Variants in ACSM3 observed in about 807,000 individuals in gnomAD.
ACSM3 encodes acyl-coenzyme A synthetase ACSM3, mitochondrial.
Under a neutral mutation model 74.1 loss-of-function variants are expected in ACSM3, and 61 were observed. That is an observed-to-expected ratio of 0.82 (90% CI 0.67 to 1.02). The LOEUF (loss-of-function observed/expected upper bound fraction) is 1.02. ACSM3 is among the 50% of genes least tolerant of loss of function. The pLI is 0.00. For synonymous variants in ACSM3, 213 were observed against 241.5 expected, an observed-to-expected ratio of 0.88 and a Z score of 1.09; for missense variants, 660 against 697.0, an observed-to-expected ratio of 0.95 and a Z score of 0.60.
chr16:20,682,176 A>AC, intron 1 of ACSM3: 1 of 1,399,944 alleles, frequency 7.1e-7, no homozygotes. Context: ...ATCCTCCTCA[A>AC]CCCCACTGGT....
chr16:20,680,950 A>T (rs980599739), intron 1 of ACSM3: 2 of 152,232 alleles, frequency 1.3e-5, no homozygotes, highest in African/African-American at 4.8e-5. Context: ...CTCTTATGGT[A>T]TCCAGTTGAT....
chr16:20,776,367 T>C (rs531337875), intron 3 of ACSM3, among the ~76,000 whole-genome samples: 1 of 152,264 alleles, frequency 6.6e-6, no homozygotes, highest in South Asian at 2.1e-4. Context: ...GCCTGGTCCT[T>C]CCCAAAGTGA....
chr16:20,698,066 C>T (rs1216292628), intron 1 of ACSM3, among the ~76,000 whole-genome samples: 5 of 151,432 alleles, frequency 3.3e-5, no homozygotes, highest in Admixed American at 3.3e-4. Flanking sequence ...TGGTGGTGGG[C>T]GCCTGTAGTC....
At chr16:20,785,612 TAAG>T (rs2080454475) in intron 8 of ACSM3, among the ~76,000 whole-genome samples, 2 of 151,466 alleles carry the variant, frequency 1.3e-5, no homozygotes, top group South Asian at 2.1e-4. Context: ...AAAAATGAAA[TAAG>T]AAAAAAGAAC....
In ACSM3 at chr16:20,758,865, T is replaced by C. The variant is rs573520550; in HGVS notation, c.-52+3249T>C. ...CGTTGGTTTCAAAGAACATCTTTAT[T>C]TCTGCCTTCATTTCATTATGTACCC... is the stretch of plus-strand genomic sequence containing the variant. On this transcript the variant is annotated intron_variant, in intron 3 of 3. Transcript: ENST00000561584. Among the ~76,000 whole-genome samples, 6 of 152,254 alleles carry C rather than the reference T, an allele frequency of 3.9e-5. No individual in the cohort carries two copies. In the South Asian group the frequency reaches 1.2e-3, roughly 32 times the overall value.
At chr16:20,685,844 A>AAAAAAAAAAAAAT (rs2079543889) in intron 1 of ACSM3, among the ~76,000 whole-genome samples, 1 of 123,006 alleles carries the variant, frequency 8.1e-6, no homozygotes, top group Non-Finnish European at 1.9e-5. Context: ...AACAAAAAAA[A>AAAAAAAAAAAAAT]AACAAAAAAC....
chr16:20,789,698 T>G, intron 9 of ACSM3: 1 of 617,430 alleles, frequency 1.6e-6, no homozygotes, highest in African/African-American at 1.9e-5. Context: ...TTTTTTTTTT[T>G]TTTTTGAGAT....
At position 20,790,922 on chromosome 16, in the gene ACSM3, A is replaced by T. The variant is rs200587106; in HGVS notation, c.1326+234A>T. ...ACTGTTCCAGGTCCACGAAGGCAAG[A>T]GGAAGGGACCCTAGAAAGAGGACAG... On this transcript the variant is annotated intron_variant, in intron 10 of 13. Transcript: ENST00000289416. The surrounding 1 kb of genome is among the most constrained non-coding windows in gnomAD (Gnocchi z 4.0). 2.7e-5 allele frequency: 44 copies of T among 1,613,894 alleles called. No homozygotes were observed. Among genetic ancestry groups the T allele is most frequent in the Non-Finnish European group, 3.3e-5 (39 of 1,179,966 alleles).
chr16:20,680,999 A>G (rs2079434222), intron 1 of ACSM3: 1 of 152,238 alleles, frequency 6.6e-6, no homozygotes, highest in Admixed American at 6.5e-5. Flanking sequence ...CATAATCACA[A>G]AAATAGACAC....
intron 1 of ACSM3, among the ~76,000 whole-genome samples, chr16:20,686,012 G>C (rs1028009437): frequency 1.3e-5 from 2 of 151,832 alleles, no homozygotes; most frequent in Non-Finnish European, 2.9e-5. Flanking sequence ...CATATGGACT[G>C]TGCATTCTTC....
Position 20,792,145 on chromosome 16 carries a change from A to C in ACSM3, c.1454+16A>C. 1.2e-6 allele frequency: 2 copies of C among 1,614,092 alleles called. No individual in the cohort carries two copies. Among genetic ancestry groups the C allele is most frequent in the Non-Finnish European group, 1.7e-6 (2 of 1,179,980 alleles). ...TATCCTCTGGGTAACTTTCTTTTCC[A>C]TATGTGCATATGTCTGTGTTAACTG... On this transcript the variant is annotated intron_variant, in intron 11 of 13. Transcript: ENST00000289416.
intron 1 of ACSM3, chr16:20,749,288 A>G (rs2079972036): frequency 6.6e-6 from 1 of 152,166 alleles, no homozygotes; most frequent in African/African-American, 2.4e-5. Flanking sequence ...ATGAAGAGAC[A>G]CTAAACCTCT....
intron 1 of ACSM3, chr16:20,736,794 G>C: frequency 7.2e-7 from 1 of 1,382,074 alleles, no homozygotes; most frequent in Non-Finnish European, 9.9e-7. Flanking sequence ...ATAAAAAACT[G>C]TTTTTAGTCA....
chr16:20,687,870 G>A (rs951176828), intron 1 of ACSM3, among the ~76,000 whole-genome samples: 5 of 152,116 alleles, frequency 3.3e-5, no homozygotes, highest in Non-Finnish European at 1.5e-5. Flanking sequence ...GATCACTTGA[G>A]GTCAGGAGTT....
chr16:20,748,534 TATTC>T (rs778444188), intron 1 of ACSM3, among the ~76,000 whole-genome samples: 34 of 152,188 alleles, frequency 2.2e-4, no homozygotes, highest in Non-Finnish European at 3.8e-4. Flanking sequence ...TTGAATAAAA[TATTC>T]ATGTCAGTTG....
At chr16:20,689,404 C>G (rs2079612981) in intron 1 of ACSM3, among the ~76,000 whole-genome samples, 1 of 151,840 alleles carries the variant, frequency 6.6e-6, no homozygotes, top group African/African-American at 2.4e-5. Context: ...GACAGAAAAG[C>G]TATAAGACAT....
rs764477458 is a variant in ACSM3 at position 20,736,846 on chromosome 16, G to C, written c.-189-13064G>C. The C allele has an allele frequency of 1.1e-5, 18 of 1,602,392 alleles. No homozygotes were observed. The East Asian group carries it at 4.0e-4, about 36-fold the overall frequency. The stretch of plus-strand genomic sequence containing the variant: ...CCCAGCAACATCTCGTAGAGCCCCA[G>C]GTGAGAAACCCACCTCCAACACCAA... On this transcript the variant is annotated intron_variant, in intron 1 of 3. Coordinates refer to the ACSM3 transcript ENST00000561584.
At chr16:20,731,344 A>G (rs1310583502) in intron 1 of ACSM3, among the ~76,000 whole-genome samples, 1 of 152,208 alleles carries the variant, frequency 6.6e-6, no homozygotes, top group Non-Finnish European at 1.5e-5. Context: ...TGTGAAATAA[A>G]TGGGATCACT....
intron 6 of ACSM3, among the ~76,000 whole-genome samples, chr16:20,781,472 A>G (rs575840431): frequency 1.1e-4 from 16 of 152,368 alleles, no homozygotes; most frequent in Non-Finnish European, 1.8e-4. Context: ...GAGATGATTT[A>G]AAGTATACGG....
Sources: gnomAD v4.1 joint callset for allele counts (sites outside exome capture counted in the v4.1 genomes callset) on GRCh38, gnomAD v4.1.1 for gene constraint, Gnocchi (gnomAD v3.1) non-coding constraint, MANE v1.5 for transcripts, NCBI Gene and HGNC (gene_info 2026-07-23, HGNC 2026-07-21) for gene names.